Variants in IL10RB observed in about 807,000 individuals in gnomAD.
IL10RB encodes the protein interleukin 10 receptor subunit beta.
IL10RB carries 30 observed loss-of-function variants against 38.7 expected under a neutral mutation model. The observed-to-expected ratio is 0.78, with a 90% CI of 0.58 to 1.05. IL10RB has a LOEUF of 1.05. IL10RB is among the 50% of genes least tolerant of loss of function. The pLI, the probability that IL10RB is intolerant of heterozygous loss-of-function variation, is 0.00. For missense variants in IL10RB, 328 were observed against 397.1 expected, an observed-to-expected ratio of 0.83 and a Z score of 1.48; for synonymous variants, 142 against 145.9, an observed-to-expected ratio of 0.97 and a Z score of 0.19.
At chr21:33,278,102 A>C (rs1989212459) in intron 3 of IL10RB, among the ~76,000 whole-genome samples, 1 of 150,998 alleles carries the variant, frequency 6.6e-6, no homozygotes, top group Non-Finnish European at 1.5e-5. Flanking sequence ...TTGTAGTCCC[A>C]GCTACTTGGG....
chr21:33,289,026 G>C (rs1989432685), intron 6 of IL10RB, among the ~76,000 whole-genome samples: 1 of 152,208 alleles, frequency 6.6e-6, no homozygotes, highest in South Asian at 2.1e-4. Flanking sequence ...AGGTTGAGCT[G>C]TCACACAGCC....
At chr21:33,284,439 A>G (rs1989337881) in intron 5 of IL10RB, among the ~76,000 whole-genome samples, 1 of 152,122 alleles carries the variant, frequency 6.6e-6, no homozygotes, top group African/African-American at 2.4e-5. Flanking sequence ...CACCATTTTC[A>G]TTTTTTCTTA....
intron 5 of IL10RB, 39 bp from the exon 6 acceptor site, chr21:33,288,065 C>T (rs908668444): frequency 2.5e-6 from 4 of 1,604,818 alleles, no homozygotes; most frequent in South Asian, 2.2e-5. Flanking sequence ...TGTGACCCGA[C>T]CTGTGACAAG....
intron 2 of IL10RB, among the ~76,000 whole-genome samples, chr21:33,272,613 AT>A (rs1384927170): frequency 1.3e-4 from 20 of 151,954 alleles, no homozygotes; most frequent in Admixed American, 1.3e-3. Context: ...TACCCAAATA[AT>A]TTTTTTATTT....
chr21:33,302,175 G>C (rs1026455832), downstream of IL10RB, among the ~76,000 whole-genome samples: 1 of 152,232 alleles, frequency 6.6e-6, no homozygotes, highest in African/African-American at 2.4e-5. Flanking sequence ...GGGAATCGAG[G>C]TTCTCAATCC....
chr21:33,290,001 CT>C lies in IL10RB; in HGVS notation c.804+1741del, dbSNP rs1989452949. Among the ~76,000 whole-genome samples, 3 of 152,254 alleles carry C rather than the reference CT, an allele frequency of 2.0e-5. No individual in the cohort carries two copies. In the East Asian group the frequency reaches 5.8e-4, roughly 29 times the overall value. ...TGGTGGCGGGCGCCTGTAGTCCCAG[CT>C]CCTCGGGAGGCTGAGGCAGGAGAAT... On this transcript the variant is annotated intron_variant, in intron 6 of 6. Transcript: ENST00000290200.
chr21:33,305,428 T>C (rs1051789308), intron 1 of IL10RB, among the ~76,000 whole-genome samples: 2 of 152,054 alleles, frequency 1.3e-5, no homozygotes, highest in African/African-American at 4.8e-5. Flanking sequence ...TTAACCTGTA[T>C]TGATCACCTA....
intron 1 of IL10RB, chr21:33,308,149 C>A (rs953068211): frequency 6.6e-6 from 1 of 152,202 alleles, no homozygotes; most frequent in African/African-American, 2.4e-5. Flanking sequence ...ATACTGTGCC[C>A]TCTCAGCTGA....
At chr21:33,299,398 A>C (rs1400404016), downstream of IL10RB, among the ~76,000 whole-genome samples, 1 of 152,236 alleles carries the variant, frequency 6.6e-6, no homozygotes, top group Non-Finnish European at 1.5e-5. Flanking sequence ...CCAATCAGAC[A>C]TTCTAGCAGA....
intron 3 of IL10RB, 124 bp downstream of exon 3, chr21:33,276,877 CT>C (rs1275301635): frequency 1.3e-6 from 1 of 749,470 alleles, no homozygotes; most frequent in African/African-American, 1.8e-5. Context: ...GCACAAGGAG[CT>C]TAAGGAATAT....
chr21:33,279,741 C>G lies in IL10RB; in HGVS notation c.332-11C>G, dbSNP rs531765635. On this transcript the variant is annotated splice_polypyrimidine_tract_variant and intron_variant, in intron 3 of 6. Coordinates refer to ENST00000290200, the MANE Select transcript of IL10RB (RefSeq NM_000628.5). ...ATTTTTGATTGTCATTTTGCTTGTTCTTCTGCTTAGCCATTATTGGACCCC... is the reference window on the plus strand; with the variant it reads ...ATTTTTGATTGTCATTTTGCTTGTTGTTCTGCTTAGCCATTATTGGACCCC... 1.9e-6 allele frequency: 3 copies of G among 1,612,166 alleles called. No individual in the cohort carries two copies. The Admixed American group carries it at 5.0e-5, about 27-fold the overall frequency.
At position 33,292,615 on chromosome 21, in the gene IL10RB, C is replaced by T. The variant is rs543253283; in HGVS notation, c.805-3569C>T. On this transcript the variant is annotated intron_variant, in intron 6 of 6. Transcript: ENST00000290200. Reference sequence around the variant, plus strand: ...GCGTCCCTCGTCAGAAGCTCTGTCTCTGCCGGGACCCCATAGCGTCCCAGG... The same window carrying T: ...GCGTCCCTCGTCAGAAGCTCTGTCTTTGCCGGGACCCCATAGCGTCCCAGG... 1.1e-4 allele frequency among the ~76,000 whole-genome samples: 17 copies of T among 152,300 alleles called. No homozygotes were observed. In the East Asian group the frequency reaches 3.1e-3, roughly 28 times the overall value.
chr21:33,302,875 T>C (rs1170464015), intron 1 of IL10RB, among the ~76,000 whole-genome samples: 1 of 152,218 alleles, frequency 6.6e-6, no homozygotes, highest in African/African-American at 2.4e-5. Context: ...TTTTCAGGAC[T>C]GACCCTGGGC....
chr21:33,280,608 A>T (rs1314250880), intron 4 of IL10RB, among the ~76,000 whole-genome samples: 1 of 152,176 alleles, frequency 6.6e-6, no homozygotes, highest in Non-Finnish European at 1.5e-5. Context: ...TTTGCTAGAC[A>T]TGTTAAGGTT....
intron 4 of IL10RB, among the ~76,000 whole-genome samples, chr21:33,282,362 G>A (rs903720204): frequency 3.3e-5 from 5 of 151,818 alleles, no homozygotes; most frequent in African/African-American, 1.2e-4. Flanking sequence ...GCAAAACCCC[G>A]TCTCTACAAA....
downstream of IL10RB, among the ~76,000 whole-genome samples, chr21:33,300,554 AAAAC>A (rs1293566657): frequency 3.9e-5 from 6 of 152,354 alleles, no homozygotes; most frequent in African/African-American, 1.4e-4. Context: ...ATGCAAGCGA[AAAAC>A]AAAAATAAAA....
Position 33,266,461 on chromosome 21 carries a change from C to T in IL10RB, c.-5C>T, listed in dbSNP as rs781196199. 4 of 1,541,496 alleles carry T rather than the reference C, an allele frequency of 2.6e-6. No homozygotes were observed. Among genetic ancestry groups the T allele is most frequent in the South Asian group, 1.2e-5 (1 of 83,960 alleles). ...AGGAAGCCGCGGAACCCCCAGCGTC[C>T]GTCCATGGCGTGGAGCCTTGGGAGC... On this transcript the variant is annotated 5_prime_UTR_variant, in exon 1 of 7. Coordinates refer to ENST00000290200, the MANE Select transcript of IL10RB (RefSeq NM_000628.5).
At chr21:33,274,120 T>C (rs1470637803) in intron 2 of IL10RB, among the ~76,000 whole-genome samples, 4 of 152,224 alleles carry the variant, frequency 2.6e-5, no homozygotes, top group Non-Finnish European at 5.9e-5. Context: ...CCCAGATCCA[T>C]CAGAGAAATC....
intron 2 of IL10RB, among the ~76,000 whole-genome samples, chr21:33,268,877 G>A (rs1989022891): frequency 6.6e-6 from 1 of 152,108 alleles, no homozygotes; most frequent in Non-Finnish European, 1.5e-5. Flanking sequence ...TACCACTGCT[G>A]TCATCTCTAG....
Sources: gnomAD v4.1 joint callset for allele counts (sites outside exome capture counted in the v4.1 genomes callset) on GRCh38, gnomAD v4.1.1 for gene constraint, MANE v1.5 for transcripts, NCBI Gene and HGNC (gene_info 2026-07-23, HGNC 2026-07-21) for gene names.